The following MYO9A variants were observed in gnomAD, a reference collection of about 807,000 sequenced individuals.
The protein encoded by MYO9A is unconventional myosin-IXa.
MYO9A carries 103 observed loss-of-function variants against 293.3 expected under a neutral mutation model. The ratio of observed to expected loss-of-function variants is 0.35; its 90% CI spans 0.30 to 0.41. MYO9A has a LOEUF of 0.41. MYO9A is among the 10% of genes least tolerant of loss of function. MYO9A has a pLI of 1.00. For missense variants in MYO9A, 2,685 were observed against 3,033.0 expected (o/e 0.89, Z 2.69); for synonymous variants, 1,001 against 1,035.7 (o/e 0.97, Z 0.64).
chr15:71,903,508 T>C (rs974907946), intron 21 of MYO9A, among the ~76,000 whole-genome samples: 1 of 152,220 alleles, frequency 6.6e-6, no homozygotes, highest in African/African-American at 2.4e-5. Flanking sequence ...ATAGCAGCAA[T>C]TGCTGATACG....
intron 12 of MYO9A, among the ~76,000 whole-genome samples, chr15:71,971,610 A>C (rs1272289564): frequency 6.6e-6 from 1 of 151,722 alleles, no homozygotes; most frequent in Non-Finnish European, 1.5e-5. Flanking sequence ...AAAGAAAAAA[A>C]AAAAACAAAG....
chr15:71,992,764 T>C (rs1351105495), intron 10 of MYO9A, among the ~76,000 whole-genome samples: 2 of 151,756 alleles, frequency 1.3e-5, no homozygotes, highest in East Asian at 1.9e-4. Flanking sequence ...ATCTGCCATA[T>C]TAAAAATATA....
intron 30 of MYO9A, among the ~76,000 whole-genome samples, chr15:71,879,400 A>G (rs2056804032): frequency 6.6e-6 from 1 of 152,212 alleles, no homozygotes; most frequent in Non-Finnish European, 1.5e-5. Flanking sequence ...AATAGAGCTA[A>G]AAGGATTATG....
At chr15:71,951,267 T>C (rs1298352982) in intron 15 of MYO9A, among the ~76,000 whole-genome samples, 1 of 152,070 alleles carries the variant, frequency 6.6e-6, no homozygotes, top group East Asian at 1.9e-4. Flanking sequence ...AACAGAAAAA[T>C]CATCCAGATT....
rs759127358 is a variant in MYO9A at position 71,854,484 on chromosome 15, T to C, written c.6239A>G (p.Glu2080Gly). The change falls in exon 35 of 42, where the codon GAA becomes GGA. Residue 2080 changes from glutamate (E) to glycine (G), a missense_variant. By Grantham distance (98) the Glu-to-Gly change is moderately conservative. Coordinates refer to ENST00000356056, the MANE Select transcript of MYO9A (RefSeq NM_006901.4). ...CATTTCAATGTAGTTTATGAGCTTT[T>C]CCACTACTAAAGGAACAGTTCGGTC... ...SEDRTVPLVV[E>G]KLINYIEMHG... 3.7e-6 allele frequency: 6 copies of C among 1,613,750 alleles called. No individual in the cohort carries two copies. In the Admixed American group the frequency reaches 6.7e-5, roughly 18 times the overall value.
chr15:72,053,142 A>T (rs2078618035), intron 1 of MYO9A, among the ~76,000 whole-genome samples: 1 of 152,158 alleles, frequency 6.6e-6, no homozygotes, highest in Admixed American at 6.5e-5. Flanking sequence ...GCTCACGCCT[A>T]TAATCCCAGC....
intron 11 of MYO9A, among the ~76,000 whole-genome samples, chr15:71,985,915 C>T (rs1483324755): frequency 1.3e-5 from 2 of 152,176 alleles, no homozygotes; most frequent in Non-Finnish European, 2.9e-5. Flanking sequence ...TCTAAATTTT[C>T]TATCTTCTAT....
At chr15:72,070,273 C>T (rs2079149159) in intron 1 of MYO9A, among the ~76,000 whole-genome samples, 1 of 151,562 alleles carries the variant, frequency 6.6e-6, no homozygotes, top group African/African-American at 2.4e-5. Context: ...GAAACCCCAT[C>T]CCTACTAAAA....
Position 71,951,818 on chromosome 15 carries a change from C to T in MYO9A, c.2261G>A (p.Arg754Lys), listed in dbSNP as rs768581616. The change falls in exon 15 of 42, where the codon AGG (arginine) becomes AAG (lysine). Residue 754 changes from arginine (R) to lysine (K), a missense_variant. Coordinates refer to ENST00000356056, the MANE Select transcript of MYO9A (RefSeq NM_006901.4). ...FSFLQHPVHQ[R>K]SLEILQRCKE... is the part of the protein sequence containing the mutation. The stretch of plus-strand genomic sequence containing the variant: ...GCATCTCTGCAGAATCTCTAAGCTC[C>T]TCTGGTGGACTGGGTGTTGGAGAAA... 5.6e-6 allele frequency: 9 copies of T among 1,613,490 alleles called. No homozygotes were observed. The South Asian group carries it at 9.9e-5, about 18-fold the overall frequency.
At position 71,825,358 on chromosome 15, in the gene MYO9A, A is replaced by C. The variant is rs1440596608; in HGVS notation, c.*1222T>G. ...AAGGTTAAAAAGAAATATGCCTACT[A>C]TACATACATATTTACAATAAACTTC... On this transcript the variant is annotated 3_prime_UTR_variant, in exon 42 of 42. Transcript: ENST00000356056. The C allele has an allele frequency of 1.3e-5, 2 of 152,178 alleles. No individual in the cohort carries two copies. The allele number at this position is 152,178 out of a possible 1,614,324, so 9.4% of individuals were successfully genotyped here. A position where few individuals can be genotyped will look rare whatever the true frequency, so the allele number is the denominator to read the frequency against.
Position 71,991,095 on chromosome 15 carries a change from G to T in MYO9A, c.1722+8C>A, listed in dbSNP as rs1362204670. 6.3e-7 allele frequency: 1 copy of T among 1,586,426 alleles called. No individual in the cohort carries two copies. The highest frequency in any genetic ancestry group is 1.4e-5 in the African/African-American group (1 of 73,864). Reference sequence around the variant, plus strand: ...GGGGGACAAGTGTATACATATTTAGGTACTCACTTGTTCCAATTTAAAGAT... The same window carrying T: ...GGGGGACAAGTGTATACATATTTAGTTACTCACTTGTTCCAATTTAAAGAT... On this transcript the variant is annotated splice_region_variant and intron_variant, in intron 11 of 41. Coordinates refer to ENST00000356056, the MANE Select transcript of MYO9A (RefSeq NM_006901.4).
At chr15:72,011,937 A>G (rs1354120282) in intron 6 of MYO9A, among the ~76,000 whole-genome samples, 1 of 152,240 alleles carries the variant, frequency 6.6e-6, no homozygotes, top group Non-Finnish European at 1.5e-5. Context: ...ATACATAGTC[A>G]TTGAATTATT....
intron 13 of MYO9A, among the ~76,000 whole-genome samples, chr15:71,966,695 G>C (rs1192740871): frequency 1.3e-5 from 2 of 151,986 alleles, no homozygotes; most frequent in East Asian, 3.9e-4. Context: ...TGCCACTCCA[G>C]TGCTTCAGTT....
At chr15:72,064,701 G>A (rs1051842101) in intron 1 of MYO9A, among the ~76,000 whole-genome samples, 7 of 152,076 alleles carry the variant, frequency 4.6e-5, no homozygotes, top group Admixed American at 2.6e-4. Context: ...CAAAATATAC[G>A]TAAGGTCGCA....
chr15:71,971,203 T>C (rs1027974234), intron 12 of MYO9A, among the ~76,000 whole-genome samples: 2 of 151,870 alleles, frequency 1.3e-5, no homozygotes, highest in Non-Finnish European at 2.9e-5. Flanking sequence ...TTCTCATTAT[T>C]GGGTTAAATC....
At chr15:71,952,551 C>T (rs943975137) in intron 14 of MYO9A, among the ~76,000 whole-genome samples, 4 of 151,948 alleles carry the variant, frequency 2.6e-5, no homozygotes, top group Admixed American at 6.6e-5. Flanking sequence ...AGACCAAAGC[C>T]CCAGATCAGT....
In MYO9A at chr15:72,066,874, C is replaced by CA. The variant is rs1421465709; in HGVS notation, c.-71-20241dup. 6.1e-5 allele frequency among the ~76,000 whole-genome samples: 9 copies of CA among 148,098 alleles called. No individual in the cohort carries two copies. In the Admixed American group the frequency reaches 6.1e-4, roughly 10 times the overall value. ...GGCAACAAACAGCAAAACTCCGTCTCAAAAAAAAGAAAACAACAAATTAGT... is the reference window on the plus strand; with the variant it reads ...GGCAACAAACAGCAAAACTCCGTCTCAAAAAAAAAGAAAACAACAAATTAGT... On this transcript the variant is annotated intron_variant, in intron 1 of 41. Coordinates refer to ENST00000356056, the MANE Select transcript of MYO9A (RefSeq NM_006901.4).
At chr15:72,103,246 G>A (rs1003542810) in intron 1 of MYO9A, among the ~76,000 whole-genome samples, 2 of 150,786 alleles carry the variant, frequency 1.3e-5, no homozygotes, top group Admixed American at 1.3e-4. Context: ...AGAAGCAGCA[G>A]CAGCAGAAGG....
chr15:71,854,276 G>A, intron 35 of MYO9A, 101 bp downstream of exon 35: 2 of 959,652 alleles, frequency 2.1e-6, no homozygotes, highest in East Asian at 2.8e-5. Flanking sequence ...CATTCTTCTG[G>A]CTGCTAAGTA....
Sources: allele counts gnomAD v4.1 joint callset (sites outside exome capture counted in the v4.1 genomes callset), GRCh38; gene constraint gnomAD v4.1.1; transcripts MANE v1.5; gene names NCBI Gene and HGNC (gene_info 2026-07-23, HGNC 2026-07-21).